The following ACAD10 variants were observed in gnomAD, a reference collection of about 807,000 sequenced individuals.
The protein encoded by ACAD10 is ACAD-10.
Under a neutral mutation model 116.8 loss-of-function variants are expected in ACAD10, and 112 were observed. The ratio of observed to expected loss-of-function variants is 0.96; its 90% confidence interval spans 0.82 to 1.12. ACAD10 has a LOEUF of 1.12. Among genes scored for constraint, ACAD10 ranks in the 50% most tolerant of loss-of-function variants. ACAD10 has a pLI of 0.00. For synonymous variants in ACAD10, 486 were observed against 510.6 expected, an observed-to-expected ratio of 0.95 and a Z score of 0.65; for missense variants, 1,259 against 1,350.2, an observed-to-expected ratio of 0.93 and a Z score of 1.06.
Position 111,753,370 on chromosome 12 carries a change from C to T in ACAD10, c.2818-402C>T, listed in dbSNP as rs1274101730. On this transcript the variant is annotated intron_variant, in intron 18 of 20. Transcript: ENST00000313698. The stretch of plus-strand genomic sequence containing the variant: ...GCTGCGGTCAGCAGAGGGCACCCTT[C>T]GCCTGCGCCGTGTGCAGTGCCTGCA... 9 of 402,398 alleles carry T rather than the reference C, an allele frequency of 2.2e-5. No homozygotes were observed. In the East Asian group the frequency reaches 2.7e-4, roughly 12 times the overall value. 24.9% of individuals were successfully genotyped at this position (402,398 alleles called of 1,614,324 possible).
intron 12 of ACAD10, among the ~76,000 whole-genome samples, chr12:111,740,941 G>A (rs1173016538): frequency 6.6e-6 from 1 of 152,170 alleles, no homozygotes; most frequent in Non-Finnish European, 1.5e-5. Context: ...CAAGCTTGCT[G>A]GCAGCCTGTG....
intron 1 of ACAD10, among the ~76,000 whole-genome samples, chr12:111,688,540 G>A (rs1166812027): frequency 6.6e-6 from 1 of 152,070 alleles, no homozygotes; most frequent in African/African-American, 2.4e-5. Flanking sequence ...GGTGGCTCAC[G>A]CCTGCAATCC....
At chr12:111,692,606 G>T in intron 1 of ACAD10, 91 bp from the exon 2 acceptor site, 2 of 1,307,946 alleles carry the variant, frequency 1.5e-6, no homozygotes, top group South Asian at 2.7e-5. Flanking sequence ...ATGGGTTAGA[G>T]ATGTCTGGCT....
chr12:111,732,588 C>A (rs1889421066), intron 10 of ACAD10, among the ~76,000 whole-genome samples: 2 of 152,160 alleles, frequency 1.3e-5, no homozygotes, highest in African/African-American at 4.8e-5. Flanking sequence ...GTCATTATGT[C>A]ATTCTCTGTA....
intron 16 of ACAD10, 150 bp from the exon 17 acceptor site, chr12:111,748,167 G>T (rs1391782590): frequency 1.1e-6 from 1 of 950,136 alleles, no homozygotes; most frequent in Non-Finnish European, 1.6e-6. Context: ...TTTCTGGTCA[G>T]CAGTCTGCAG....
chr12:111,740,132 G>A (rs867869737), intron 12 of ACAD10, among the ~76,000 whole-genome samples: 23 of 152,184 alleles, frequency 1.5e-4, no homozygotes, highest in Middle Eastern at 3.4e-3. Context: ...CCGTAGGCTT[G>A]TTATTCTCTC....
chr12:111,755,444 C>T (rs555014935), intron 19 of ACAD10, among the ~76,000 whole-genome samples: 64 of 152,176 alleles, frequency 4.2e-4, no homozygotes, highest in Non-Finnish European at 7.4e-4. Flanking sequence ...CTCTGTTGTC[C>T]AGGCTTGAGT....
intron 1 of ACAD10, chr12:111,690,373 G>A (rs1335506825): frequency 6.6e-6 from 1 of 152,142 alleles, no homozygotes; most frequent in Non-Finnish European, 1.5e-5. Context: ...CAAAGTTTGT[G>A]TTAAGTACTT....
chr12:111,721,606 A>C (rs1172963006), intron 7 of ACAD10, 65 bp from the exon 8 acceptor site: 9 of 1,407,724 alleles, frequency 6.4e-6, no homozygotes, highest in Non-Finnish European at 8.9e-6. Flanking sequence ...AACAAAGAAA[A>C]GTAACTTCAA....
chr12:111,727,769 A>G (rs1381165818), intron 8 of ACAD10, among the ~76,000 whole-genome samples, 193 bp from the exon 9 acceptor site: 1 of 152,112 alleles, frequency 6.6e-6, no homozygotes, highest in Non-Finnish European at 1.5e-5. Context: ...GGATCGATCC[A>G]TTGCAAGAGA....
intron 2 of ACAD10, among the ~76,000 whole-genome samples, chr12:111,700,748 C>CTTTTT (rs750378233): frequency 1.9e-3 from 167 of 89,720 alleles, no homozygotes; most frequent in Non-Finnish European, 2.3e-3. Context: ...CCTTCCTCTT[C>CTTTTT]TTTTTTTTTT....
At position 111,748,220 on chromosome 12, in the gene ACAD10, T is replaced by C; in HGVS notation, c.2486-97T>C. ...TGGAGCCTTAAAGAGCTCTGTCTGC[T>C]TCCTTACTGTGCCTTTCTTGGGCCA... On this transcript the variant is annotated intron_variant, in intron 16 of 20. Transcript: ENST00000313698. 6.1e-6 allele frequency: 9 copies of C among 1,473,644 alleles called. 2 individuals are homozygous for C. The South Asian group carries it at 9.8e-5, about 16-fold the overall frequency. 91.3% of individuals were successfully genotyped at this position (1,473,644 alleles called of 1,614,324 possible). A position where few individuals can be genotyped will look rare whatever the true frequency, so the allele number is the denominator to read the frequency against.
Position 111,705,408 on chromosome 12 carries a change from T to G in ACAD10, c.337-330T>G, listed in dbSNP as rs370733210. Reference sequence around the variant, plus strand: ...GCCTAGCTAAGTTAAAAAAAAATTTTTTTTAGATCTCACTTTGTTGCCCAG... The same window carrying G: ...GCCTAGCTAAGTTAAAAAAAAATTTGTTTTAGATCTCACTTTGTTGCCCAG... On this transcript the variant is annotated intron_variant, in intron 3 of 20. Coordinates refer to ENST00000313698, the MANE Select transcript of ACAD10 (RefSeq NM_025247.6). Among the ~76,000 whole-genome samples the G allele has an allele frequency of 1.3e-4, 20 of 152,144 alleles. No homozygotes were observed. The East Asian group carries it at 3.1e-3, about 24-fold the overall frequency.
intron 2 of ACAD10, among the ~76,000 whole-genome samples, chr12:111,695,612 G>A (rs148020098): frequency 2.2e-4 from 33 of 152,200 alleles, no homozygotes; most frequent in Admixed American, 9.2e-4. Context: ...ATGTTTGATG[G>A]GTAAATGTGA....
intron 13 of ACAD10, chr12:111,745,471 A>T (rs560283629): frequency 4.1e-6 from 1 of 242,344 alleles, no homozygotes; most frequent in South Asian, 1.6e-4. Flanking sequence ...ACTTCAGCTG[A>T]TAAACAGAAA....
intron 10 of ACAD10, chr12:111,733,717 A>G: frequency 1.7e-6 from 1 of 596,148 alleles, no homozygotes; most frequent in African/African-American, 1.9e-5. Flanking sequence ...GCCCTTTCCC[A>G]TCTCCTGCTT....
At chr12:111,723,698 C>G (rs1481812750) in intron 8 of ACAD10, among the ~76,000 whole-genome samples, 2 of 150,042 alleles carry the variant, frequency 1.3e-5, no homozygotes, top group African/African-American at 4.9e-5. Context: ...CCCCCCCCAC[C>G]TCCCTCCCGG....
intron 7 of ACAD10, among the ~76,000 whole-genome samples, chr12:111,718,548 C>T (rs1397802580): frequency 2.0e-5 from 3 of 151,888 alleles, no homozygotes; most frequent in Admixed American, 6.6e-5. Context: ...GGCGCAATCT[C>T]GGCTCACTGC....
chr12:111,698,149 C>G (rs1262351442), intron 2 of ACAD10, among the ~76,000 whole-genome samples: 1 of 151,858 alleles, frequency 6.6e-6, no homozygotes, highest in Non-Finnish European at 1.5e-5. Context: ...TGTGCACCAC[C>G]ACACCTAGCT....
Sources: gnomAD v4.1 joint callset for allele counts (sites outside exome capture counted in the v4.1 genomes callset) on GRCh38, gnomAD v4.1.1 for gene constraint, MANE v1.5 for transcripts, NCBI Gene and HGNC (gene_info 2026-07-23, HGNC 2026-07-21) for gene names.